Variants in ABTB3 observed in about 807,000 individuals in gnomAD.
ABTB3 encodes the protein ankyrin repeat and BTB domain containing 3.
chr12:107,413,261 G>C, the ABTB3 span, among the ~76,000 whole-genome samples: 1 of 152,074 alleles, frequency 6.6e-6, no homozygotes, highest in East Asian at 1.9e-4. Flanking sequence ...GCGACAGAGC[G>C]AGACTCCGTC....
At chr12:107,537,887 A>C in the ABTB3 span, among the ~76,000 whole-genome samples, 6 of 152,236 alleles carry the variant, frequency 3.9e-5, no homozygotes, top group East Asian at 1.2e-3. Flanking sequence ...GCTGTGGCCC[A>C]GCTTAGGGCT....
chr12:107,432,949 T>C, the ABTB3 span, among the ~76,000 whole-genome samples: 1 of 152,156 alleles, frequency 6.6e-6, no homozygotes. Flanking sequence ...CACACCTATT[T>C]GCCTGCTTCT....
the ABTB3 span, among the ~76,000 whole-genome samples, chr12:107,422,124 C>T: frequency 2.6e-5 from 4 of 151,996 alleles, no homozygotes; most frequent in East Asian, 1.9e-4. Context: ...GGAGGGGTCT[C>T]GAGGAGGTAA....
the ABTB3 span, among the ~76,000 whole-genome samples, chr12:107,337,177 C>A: frequency 3.3e-5 from 5 of 152,228 alleles, no homozygotes; most frequent in African/African-American, 1.2e-4. Context: ...GGCGCAGCCC[C>A]GCTGTCTTCA....
At chr12:107,414,697 C>A in the ABTB3 span, among the ~76,000 whole-genome samples, 9,432 of 151,246 alleles carry the variant, frequency 0.062, 392 homozygotes, top group Admixed American at 0.12. Context: ...TTTCACCATC[C>A]CCCCCTTTCT....
the ABTB3 span, among the ~76,000 whole-genome samples, chr12:107,356,279 G>A: frequency 6.6e-6 from 1 of 152,136 alleles, no homozygotes; most frequent in African/African-American, 2.4e-5. Context: ...ATCCATTATG[G>A]GCACTTGGTA....
chr12:107,420,194 C>T, the ABTB3 span, among the ~76,000 whole-genome samples: 8 of 152,140 alleles, frequency 5.3e-5, no homozygotes, highest in East Asian at 1.9e-4. Flanking sequence ...GGGGGATTTC[C>T]GATGATGTCC....
At chr12:107,410,962 C>T in the ABTB3 span, among the ~76,000 whole-genome samples, 119 of 152,258 alleles carry the variant, frequency 7.8e-4, 1 homozygote, top group African/African-American at 2.8e-3. Context: ...TAGAGCTGTG[C>T]TATCCAGTAC....
At chr12:107,555,285 G>A in the ABTB3 span, among the ~76,000 whole-genome samples, 2 of 152,172 alleles carry the variant, frequency 1.3e-5, no homozygotes, top group Non-Finnish European at 2.9e-5. Context: ...ACCCACTTCA[G>A]GGCTGTTAAA....
chr12:107,339,269 C>A, the ABTB3 span, among the ~76,000 whole-genome samples: 813 of 152,310 alleles, frequency 5.3e-3, 12 homozygotes, highest in African/African-American at 0.019. Flanking sequence ...AGTGCAGAGG[C>A]TTAAGCCCCA....
chr12:107,436,843 TAAGAA>T, the ABTB3 span, among the ~76,000 whole-genome samples: 146 of 152,138 alleles, frequency 9.6e-4, 1 homozygote, highest in Admixed American at 6.4e-3. Context: ...TATAGATCAG[TAAGAA>T]AAAAAATGTG....
At chr12:107,332,346 C>T in the ABTB3 span, among the ~76,000 whole-genome samples, 15 of 152,204 alleles carry the variant, frequency 9.9e-5, no homozygotes, top group African/African-American at 2.7e-4. Flanking sequence ...ACTCCTGGCA[C>T]CATTTTAGGT....
At chr12:107,657,519 T>A in the ABTB3 span, 1 of 1,613,952 alleles carries the variant, frequency 6.2e-7, no homozygotes, top group Non-Finnish European at 8.5e-7. Context: ...TTTCTTGGAG[T>A]CACAGAGCTC....
At chr12:107,526,593 A>G in the ABTB3 span, among the ~76,000 whole-genome samples, 1 of 152,040 alleles carries the variant, frequency 6.6e-6, no homozygotes, top group African/African-American at 2.4e-5. Flanking sequence ...TTAAACCCCC[A>G]GCTGACAGTC....
the ABTB3 span, among the ~76,000 whole-genome samples, chr12:107,471,241 G>A: frequency 6.6e-6 from 1 of 152,292 alleles, no homozygotes; most frequent in South Asian, 2.1e-4. Flanking sequence ...CCATTTTACA[G>A]ATGAGGAAAC....
chr12:107,621,619 C>G, the ABTB3 span, among the ~76,000 whole-genome samples: 3 of 152,168 alleles, frequency 2.0e-5, no homozygotes, highest in Non-Finnish European at 4.4e-5. Flanking sequence ...GTGCCCAGCT[C>G]ATAACTACGA....
chr12:107,552,551 A>G, the ABTB3 span, among the ~76,000 whole-genome samples: 6 of 152,200 alleles, frequency 3.9e-5, no homozygotes, highest in African/African-American at 1.4e-4. Context: ...GTGCCATTGG[A>G]TAGCCTTCAA....
chr12:107,319,035 C>G, the ABTB3 span: 4 of 1,613,820 alleles, frequency 2.5e-6, no homozygotes, highest in Non-Finnish European at 3.4e-6. Flanking sequence ...GTGCGCTCCT[C>G]CAACTTGTCT....
the ABTB3 span, among the ~76,000 whole-genome samples, chr12:107,415,967 T>A: frequency 6.6e-6 from 1 of 152,094 alleles, no homozygotes; most frequent in African/African-American, 2.4e-5. Context: ...ACTATGGAAT[T>A]TGAAAGAAAA....
Sources: gnomAD v4.1 joint callset for allele counts (sites outside exome capture counted in the v4.1 genomes callset) on GRCh38, gnomAD v4.1.1 for gene constraint, MANE v1.5 for transcripts, NCBI Gene and HGNC (gene_info 2026-07-23, HGNC 2026-07-21) for gene names.